Variants in USH2A observed in about 807,000 individuals in gnomAD.
USH2A encodes the protein Usher syndrome 2A (autosomal recessive, mild).
USH2A carries 443 observed loss-of-function variants against 538.9 expected under a neutral mutation model. The ratio of observed to expected loss-of-function variants is 0.82; its 90% CI spans 0.76 to 0.89. The LOEUF (loss-of-function observed/expected upper bound fraction) is 0.89, where lower values mean the gene tolerates loss of function less well. Among genes scored for constraint, USH2A ranks in the 40% least tolerant of loss-of-function variants. USH2A has a pLI of 0.00. For synonymous variants in USH2A, 2,413 were observed against 2,273.5 expected (o/e 1.06, Z -1.75); for missense variants, 6,633 against 6,324.8 (o/e 1.05, Z -1.65).
chr1:215,998,936 T>A lies in USH2A; in HGVS notation c.6608A>T (p.His2203Leu). ...IYNSTELFQD[H>L]MLQYVLPGNK... ...ACCAGGTAAAACGTATTGTAGCATA[T>A]GATCCTGGAAAAGTTCTGTACTGTT... Residue 2203 changes from histidine to leucine, a missense_variant, in exon 34 of 72, where the codon CAT (histidine) becomes CTT (leucine). By Grantham distance (99) the His-to-Leu change is moderately conservative. Coordinates refer to ENST00000307340, the MANE Select transcript of USH2A (RefSeq NM_206933.4). 4.3e-6 allele frequency: 7 copies of A among 1,613,442 alleles called. No homozygotes were observed. Among genetic ancestry groups the A allele is most frequent in the Non-Finnish European group, 5.9e-6 (7 of 1,179,606 alleles).
chr1:216,003,793 G>C (rs1210788012), intron 32 of USH2A, among the ~76,000 whole-genome samples: 1 of 152,196 alleles, frequency 6.6e-6, no homozygotes, highest in African/African-American at 2.4e-5. Flanking sequence ...ATTTTGAACA[G>C]AGCTGTCATG....
chr1:216,231,828 C>G, intron 14 of USH2A, 125 bp downstream of exon 14: 1 of 1,141,022 alleles, frequency 8.8e-7, no homozygotes, highest in Non-Finnish European at 1.3e-6. Flanking sequence ...GCTGGGATTA[C>G]AGGTGTGAGC....
At chr1:216,298,121 G>A (rs1051757800) in intron 9 of USH2A, among the ~76,000 whole-genome samples, 1 of 152,156 alleles carries the variant, frequency 6.6e-6, no homozygotes, top group Non-Finnish European at 1.5e-5. Flanking sequence ...TCTCATTGAA[G>A]AATTTGTTTA....
At chr1:216,180,095 T>G (rs1283928289) in intron 20 of USH2A, among the ~76,000 whole-genome samples, 1 of 152,118 alleles carries the variant, frequency 6.6e-6, no homozygotes, top group Non-Finnish European at 1.5e-5. Flanking sequence ...AACAAGTTTC[T>G]ATACAAATAT....
At chr1:216,379,273 T>A (rs2038889983) in intron 3 of USH2A, among the ~76,000 whole-genome samples, 1 of 152,186 alleles carries the variant, frequency 6.6e-6, no homozygotes, top group Admixed American at 6.5e-5. Context: ...TACATTTCTC[T>A]CCTGTGTGTA....
chr1:216,299,518 T>C (rs1571677222), intron 9 of USH2A, among the ~76,000 whole-genome samples: 1 of 152,076 alleles, frequency 6.6e-6, no homozygotes, highest in Admixed American at 6.6e-5. Context: ...GGGTTACCGG[T>C]GGGTGGTAGG....
At chr1:216,137,100 A>T (rs921476642) in intron 21 of USH2A, among the ~76,000 whole-genome samples, 3 of 152,182 alleles carry the variant, frequency 2.0e-5, no homozygotes, top group Non-Finnish European at 4.4e-5. Context: ...AAATGCTGAA[A>T]GACTGACTCA....
chr1:216,304,503 A>C (rs1196020614), intron 9 of USH2A, among the ~76,000 whole-genome samples: 2 of 151,968 alleles, frequency 1.3e-5, no homozygotes, highest in African/African-American at 4.8e-5. Flanking sequence ...CATTATTATA[A>C]TAGATCTTAG....
At chr1:216,384,499 C>A (rs2038973264) in intron 3 of USH2A, among the ~76,000 whole-genome samples, 2 of 152,124 alleles carry the variant, frequency 1.3e-5, no homozygotes, top group Admixed American at 1.3e-4. Flanking sequence ...CACTCTGATT[C>A]TCTTTCGGTA....
chr1:216,049,307 G>A (rs979383871), intron 30 of USH2A, among the ~76,000 whole-genome samples: 11 of 152,128 alleles, frequency 7.2e-5, no homozygotes, highest in East Asian at 1.9e-4. Context: ...AGTGTTACAC[G>A]TGGAAGTATT....
At position 216,323,457 on chromosome 1, in the gene USH2A, A is replaced by T. The variant is rs1365706869; in HGVS notation, c.1550+17T>A. ...GTATGACAAAAACCTTGTTGAAAAC[A>T]AAATTCATAATAATACCTCCCACTA... is the stretch of plus-strand genomic sequence containing the variant. On this transcript the variant is annotated intron_variant, in intron 8 of 71. Coordinates refer to ENST00000307340, the MANE Select transcript of USH2A (RefSeq NM_206933.4). The T allele has an allele frequency of 6.2e-7, 1 of 1,613,000 alleles. No homozygotes were observed.
chr1:216,186,342 A>C (rs1572029997), intron 20 of USH2A, among the ~76,000 whole-genome samples: 1 of 151,842 alleles, frequency 6.6e-6, no homozygotes, highest in African/African-American at 2.4e-5. Flanking sequence ...GAGAGTCACC[A>C]GTGACCTCGC....
In USH2A at chr1:216,334,649, T is replaced by C. The variant is rs539683450; in HGVS notation, c.785-6995A>G. 5.3e-5 allele frequency among the ~76,000 whole-genome samples: 8 copies of C among 151,906 alleles called. 1 individual carries two copies. In the South Asian group the frequency reaches 1.7e-3, roughly 31 times the overall value. ...AGAATGAAAAGAAAGATACACCACGTAAACAATAACCAAAAGAGAGCTTGA... is the reference window on the plus strand; with the variant it reads ...AGAATGAAAAGAAAGATACACCACGCAAACAATAACCAAAAGAGAGCTTGA... On this transcript the variant is annotated intron_variant, in intron 4 of 71. Transcript: ENST00000307340.
chr1:216,031,591 A>G (rs1398007398), intron 32 of USH2A, among the ~76,000 whole-genome samples: 1 of 152,206 alleles, frequency 6.6e-6, no homozygotes, highest in African/African-American at 2.4e-5. Flanking sequence ...GAAAACAGCT[A>G]CACAGACTCA....
At chr1:216,328,409 G>A (rs1009933741) in intron 4 of USH2A, among the ~76,000 whole-genome samples, 2 of 152,050 alleles carry the variant, frequency 1.3e-5, no homozygotes, top group African/African-American at 2.4e-5. Flanking sequence ...AAGCCCAAGA[G>A]AGTGGAGACA....
chr1:215,797,789 A>G (rs1662188169), intron 50 of USH2A, among the ~76,000 whole-genome samples: 1 of 152,134 alleles, frequency 6.6e-6, no homozygotes, highest in Non-Finnish European at 1.5e-5. Context: ...AGACAAGAAA[A>G]TTAATGTTTA....
intron 61 of USH2A, among the ~76,000 whole-genome samples, chr1:215,694,385 A>T (rs1658727138): frequency 6.6e-6 from 1 of 152,198 alleles, no homozygotes; most frequent in African/African-American, 2.4e-5. Flanking sequence ...CATCCCGGCT[A>T]ACACTGTGAA....
chr1:216,232,828 T>A (rs915868721), intron 13 of USH2A, among the ~76,000 whole-genome samples: 3 of 152,198 alleles, frequency 2.0e-5, no homozygotes, highest in African/African-American at 7.2e-5. Context: ...GGGCTTTATC[T>A]TGAGCATCTC....
At chr1:216,314,648 G>C (rs2037475705) in intron 9 of USH2A, among the ~76,000 whole-genome samples, 1 of 152,018 alleles carries the variant, frequency 6.6e-6, no homozygotes, top group African/African-American at 2.4e-5. Flanking sequence ...GTGTGATGTT[G>C]GCACCATTCA....
Sources: gnomAD v4.1 joint callset for allele counts (sites outside exome capture counted in the v4.1 genomes callset) on GRCh38, gnomAD v4.1.1 for gene constraint, MANE v1.5 for transcripts, NCBI Gene and HGNC (gene_info 2026-07-23, HGNC 2026-07-21) for gene names.